Variants in ZFPM2 observed in about 807,000 individuals in gnomAD.
ZFPM2 encodes the protein zinc finger protein, FOG family member 2.
Under a neutral mutation model 98.6 loss-of-function variants are expected in ZFPM2, and 20 were observed. The ratio of observed to expected loss-of-function variants is 0.20; its 90% CI spans 0.14 to 0.29. ZFPM2 has a LOEUF of 0.29. Among genes scored for constraint, ZFPM2 ranks in the 10% least tolerant of loss-of-function variants. The probability of loss-of-function intolerance (pLI) is 1.00; values close to 1 mark genes in which losing one functional copy is unlikely to be tolerated. For missense variants in ZFPM2, 1,310 were observed against 1,388.6 expected, an observed-to-expected ratio of 0.94 and a Z score of 0.90; for synonymous variants, 518 against 502.7, an observed-to-expected ratio of 1.03 and a Z score of -0.41.
intron 1 of ZFPM2, among the ~76,000 whole-genome samples, chr8:105,381,322 C>T (rs143376637): frequency 6.6e-6 from 1 of 151,710 alleles, no homozygotes; most frequent in African/African-American, 2.4e-5. Flanking sequence ...TGTATATGTG[C>T]CACATTTTCT....
intron 2 of ZFPM2, among the ~76,000 whole-genome samples, chr8:105,426,905 C>T (rs1249760748): frequency 6.6e-6 from 1 of 152,050 alleles, no homozygotes; most frequent in Non-Finnish European, 1.5e-5. Context: ...TGCCATGAGC[C>T]CAGATCATGC....
intron 5 of ZFPM2, among the ~76,000 whole-genome samples, chr8:105,734,558 A>G (rs1162882107): frequency 2.0e-5 from 3 of 151,966 alleles, no homozygotes; most frequent in African/African-American, 7.2e-5. Context: ...GCTGTGATTC[A>G]TAACTACCTA....
intron 1 of ZFPM2, chr8:105,319,789 A>C (rs1289071376): frequency 6.6e-6 from 1 of 152,178 alleles, no homozygotes; most frequent in Non-Finnish European, 1.5e-5. Context: ...AGGGGAGTGC[A>C]TGGCCCTGAG....
chr8:105,740,180 C>A (rs1337504366), intron 5 of ZFPM2, among the ~76,000 whole-genome samples: 1 of 151,974 alleles, frequency 6.6e-6, no homozygotes, highest in African/African-American at 2.4e-5. Flanking sequence ...CATGTGCCTC[C>A]TACAGGTCTG....
intron 3 of ZFPM2, among the ~76,000 whole-genome samples, chr8:105,523,171 A>G (rs1315524039): frequency 6.6e-6 from 1 of 152,220 alleles, no homozygotes; most frequent in Non-Finnish European, 1.5e-5. Flanking sequence ...TACTTTGTAC[A>G]TAATAAATGG....
chr8:105,380,675 A>T (rs1323801423), intron 1 of ZFPM2, among the ~76,000 whole-genome samples: 1 of 19,712 alleles, frequency 5.1e-5, no homozygotes, highest in Non-Finnish European at 8.3e-5. Flanking sequence ...TAACATATAT[A>T]TTATATATAT....
intron 5 of ZFPM2, chr8:105,787,546 GT>G (rs1254182321): frequency 6.6e-6 from 1 of 152,024 alleles, no homozygotes; most frequent in African/African-American, 2.4e-5. Flanking sequence ...ATATACTGTT[GT>G]TATCTTTTCC....
intron 5 of ZFPM2, among the ~76,000 whole-genome samples, chr8:105,634,674 A>G (rs1816814768): frequency 6.6e-6 from 1 of 152,136 alleles, no homozygotes. Flanking sequence ...ACGAAACTCC[A>G]ATTTCTCCTT....
At chr8:105,507,143 A>T (rs1185104725) in intron 3 of ZFPM2, among the ~76,000 whole-genome samples, 1 of 152,208 alleles carries the variant, frequency 6.6e-6, no homozygotes, top group Non-Finnish European at 1.5e-5. Context: ...TAATAAGATG[A>T]TTTGATAATG....
chr8:105,335,476 A>G (rs1199045563), intron 1 of ZFPM2, among the ~76,000 whole-genome samples: 2 of 151,762 alleles, frequency 1.3e-5, no homozygotes, highest in Non-Finnish European at 2.9e-5. Flanking sequence ...ATGCAAATGG[A>G]GAACTAATTT....
At chr8:105,482,684 A>G (rs1304406846) in intron 3 of ZFPM2, among the ~76,000 whole-genome samples, 1 of 152,194 alleles carries the variant, frequency 6.6e-6, no homozygotes, top group Non-Finnish European at 1.5e-5. Context: ...TCTTCCAAAT[A>G]TGCAGACTTT....
At chr8:105,467,814 T>A (rs1586393840) in intron 3 of ZFPM2, among the ~76,000 whole-genome samples, 1 of 152,022 alleles carries the variant, frequency 6.6e-6, no homozygotes, top group South Asian at 2.1e-4. Context: ...CTACCCCTAG[T>A]CTCCAGTCTC....
intron 5 of ZFPM2, among the ~76,000 whole-genome samples, chr8:105,688,939 G>A (rs1024633949): frequency 1.3e-4 from 20 of 152,126 alleles, no homozygotes; most frequent in African/African-American, 4.8e-4. Context: ...TTACTCATTA[G>A]TGTTCAAATA....
intron 1 of ZFPM2, among the ~76,000 whole-genome samples, chr8:105,358,884 G>T (rs1263769260): frequency 2.0e-5 from 3 of 152,146 alleles, no homozygotes; most frequent in African/African-American, 7.2e-5. Context: ...GAACCCGGGA[G>T]GCAGAGATTA....
intron 1 of ZFPM2, among the ~76,000 whole-genome samples, chr8:105,370,333 G>C (rs1298754008): frequency 6.6e-6 from 1 of 152,178 alleles, no homozygotes; most frequent in Admixed American, 6.5e-5. Flanking sequence ...GTAACTACCA[G>C]TTCAGAATAA....
At chr8:105,469,196 A>G (rs1173134006) in intron 3 of ZFPM2, among the ~76,000 whole-genome samples, 1 of 152,202 alleles carries the variant, frequency 6.6e-6, no homozygotes, top group African/African-American at 2.4e-5. Context: ...GCCAACTTCA[A>G]GGTGAATCTG....
At chr8:105,697,882 G>GA (rs1193002297) in intron 5 of ZFPM2, among the ~76,000 whole-genome samples, 1 of 151,812 alleles carries the variant, frequency 6.6e-6, no homozygotes, top group Non-Finnish European at 1.5e-5. Context: ...GAGAGCCATA[G>GA]AAAAAAAACT....
At chr8:105,372,066 G>T (rs1360077008) in intron 1 of ZFPM2, among the ~76,000 whole-genome samples, 6 of 150,308 alleles carry the variant, frequency 4.0e-5, no homozygotes, top group African/African-American at 1.5e-4. Context: ...TTTTTGAGAC[G>T]GAGTCTTGCT....
At chr8:105,607,693 C>G (rs2130794010) in intron 4 of ZFPM2, among the ~76,000 whole-genome samples, 1 of 152,210 alleles carries the variant, frequency 6.6e-6, no homozygotes, top group Non-Finnish European at 1.5e-5. Context: ...CCACTCCACT[C>G]TTTCCCAGTT....
Sources: gnomAD v4.1 joint callset for allele counts (sites outside exome capture counted in the v4.1 genomes callset) on GRCh38, gnomAD v4.1.1 for gene constraint, MANE v1.5 for transcripts, NCBI Gene and HGNC (gene_info 2026-07-23, HGNC 2026-07-21) for gene names.